Variants in SEPSECS observed in about 807,000 individuals in gnomAD.
SEPSECS encodes O-phosphoseryl-tRNA(Sec) selenium transferase.
A neutral mutation model predicts 52.1 loss-of-function variants in SEPSECS; 42 were observed. The ratio of observed to expected loss-of-function variants is 0.81; its 90% CI spans 0.63 to 1.04. The LOEUF is 1.04. Among genes scored for constraint, SEPSECS ranks in the 50% least tolerant of loss-of-function variants. The pLI is 0.00. For synonymous variants in SEPSECS, 216 were observed against 211.4 expected (o/e 1.02, Z -0.19); for missense variants, 590 against 610.6 (o/e 0.97, Z 0.36).
intron 8 of SEPSECS, among the ~76,000 whole-genome samples, chr4:25,133,892 T>C (rs192497882): frequency 4.0e-5 from 6 of 151,602 alleles, no homozygotes; most frequent in Admixed American, 3.3e-4. Context: ...GGCAAGAGGA[T>C]TGCTTGAGCT....
intron 8 of SEPSECS, among the ~76,000 whole-genome samples, chr4:25,141,226 G>A (rs1020320818): frequency 9.2e-5 from 14 of 152,062 alleles, no homozygotes; most frequent in African/African-American, 3.4e-4. Flanking sequence ...TCCTTTGCTT[G>A]TTGCTTTTCT....
intron 3 of SEPSECS, 121 bp downstream of exon 3, chr4:25,156,735 A>T: frequency 3.7e-6 from 2 of 539,578 alleles, no homozygotes; most frequent in East Asian, 3.6e-5. Context: ...AAAAAAAAAA[A>T]GAAGTCTTTT....
At chr4:25,134,077 A>T (rs146137832) in intron 8 of SEPSECS, among the ~76,000 whole-genome samples, 2,410 of 143,696 alleles carry the variant, frequency 0.017, 62 homozygotes, top group African/African-American at 0.059. Flanking sequence ...GTGAGCCATG[A>T]TCATGACACT....
intron 8 of SEPSECS, among the ~76,000 whole-genome samples, 158 bp downstream of exon 8, chr4:25,144,616 A>C (rs777289888): frequency 6.6e-6 from 1 of 150,706 alleles, no homozygotes; most frequent in Non-Finnish European, 1.5e-5. Context: ...AAAAAGTAAT[A>C]GGAAACCACC....
At chr4:25,136,703 G>A (rs1560326111) in intron 8 of SEPSECS, among the ~76,000 whole-genome samples, 1 of 151,914 alleles carries the variant, frequency 6.6e-6, no homozygotes, top group East Asian at 1.9e-4. Context: ...CATAGAATTA[G>A]AAAAAAACTA....
In SEPSECS at chr4:25,122,248, T is replaced by C. The variant is rs571230740; in HGVS notation, c.*1683A>G. Reference sequence around the variant, plus strand: ...TAAATACTTCATCTCAAAATAGTCATTGACTTCCAAGGTGGTCAAGCCAGT... The same window carrying C: ...TAAATACTTCATCTCAAAATAGTCACTGACTTCCAAGGTGGTCAAGCCAGT... On this transcript the variant is annotated 3_prime_UTR_variant, in exon 11 of 11. Transcript: ENST00000382103. 22 of 152,310 alleles carry C rather than the reference T, an allele frequency of 1.4e-4. No individual in the cohort carries two copies. Among genetic ancestry groups the C allele is most frequent in the Admixed American group, 3.9e-4 (6 of 15,278 alleles). The allele number at this position is 152,310 out of a possible 1,614,324, so 9.4% of individuals were successfully genotyped here.
At chr4:25,154,212 G>A (rs1184523321) in intron 5 of SEPSECS, among the ~76,000 whole-genome samples, 1 of 152,132 alleles carries the variant, frequency 6.6e-6, no homozygotes, top group African/African-American at 2.4e-5. Flanking sequence ...CAATCTGCCT[G>A]TAAGATAACA....
At chr4:25,155,799 G>A (rs865939000) in intron 4 of SEPSECS, among the ~76,000 whole-genome samples, 2 of 151,978 alleles carry the variant, frequency 1.3e-5, no homozygotes, top group Admixed American at 6.6e-5. Context: ...TAGTATATAC[G>A]CAAAGGTCCC....
intron 6 of SEPSECS, among the ~76,000 whole-genome samples, chr4:25,148,647 T>C (rs1465681439): frequency 2.0e-5 from 3 of 152,186 alleles, no homozygotes; most frequent in Admixed American, 6.5e-5. Context: ...TAACGTTCAA[T>C]AGCACAGTAC....
intron 8 of SEPSECS, among the ~76,000 whole-genome samples, chr4:25,137,918 A>T (rs1728907301): frequency 6.6e-6 from 1 of 152,208 alleles, no homozygotes; most frequent in Non-Finnish European, 1.5e-5. Flanking sequence ...CTTTGCACGG[A>T]CATGGATGGA....
intron 1 of SEPSECS, 41 bp downstream of exon 1, chr4:25,160,215 C>T (rs1348732833): frequency 3.9e-6 from 6 of 1,547,506 alleles, no homozygotes; most frequent in African/African-American, 2.7e-5. Context: ...GCCAGAGCCC[C>T]GGGGTCGCGG....
intron 1 of SEPSECS, chr4:25,159,807 T>C (rs1712945583): frequency 9.2e-7 from 1 of 1,092,622 alleles, no homozygotes; most frequent in Middle Eastern, 3.7e-4. Flanking sequence ...TTAATGAAAT[T>C]AAAATACATG....
At chr4:25,150,000 C>G (rs1006266332) in intron 6 of SEPSECS, among the ~76,000 whole-genome samples, 2 of 152,184 alleles carry the variant, frequency 1.3e-5, no homozygotes, top group African/African-American at 4.8e-5. Context: ...TTGGTTTAAG[C>G]CAACTTGAGT....
Position 25,160,244 on chromosome 4 carries a change from A to T in SEPSECS, c.114+12T>A, listed in dbSNP as rs1712987141. On this transcript the variant is annotated intron_variant, in intron 1 of 10. Coordinates refer to ENST00000382103, the MANE Select transcript of SEPSECS (RefSeq NM_016955.4). ...GTCGCGGCGGCTGGGGAGGGGACCG[A>T]CAGCTCGGTACCTTCTCCAGAAGCA... 1.3e-6 allele frequency: 2 copies of T among 1,551,258 alleles called. No individual in the cohort carries two copies. The highest frequency in any genetic ancestry group is 1.4e-5 in the African/African-American group (1 of 73,198).
At chr4:25,158,108 T>C (rs1020080805) in intron 2 of SEPSECS, among the ~76,000 whole-genome samples, 1 of 152,234 alleles carries the variant, frequency 6.6e-6, no homozygotes, top group Non-Finnish European at 1.5e-5. Flanking sequence ...TATCGAAGAA[T>C]ACTAGTGCTG....
intron 2 of SEPSECS, among the ~76,000 whole-genome samples, chr4:25,157,324 G>A (rs1712729176): frequency 6.6e-6 from 1 of 152,136 alleles, no homozygotes; most frequent in African/African-American, 2.4e-5. Context: ...AAGTAACTGT[G>A]TGAAATTTTC....
At chr4:25,130,205 G>A (rs1728557231) in intron 8 of SEPSECS, among the ~76,000 whole-genome samples, 2 of 152,160 alleles carry the variant, frequency 1.3e-5, no homozygotes, top group African/African-American at 4.8e-5. Context: ...TATCTACTTT[G>A]GCAGCCACAT....
chr4:25,124,195 C>T lies in SEPSECS; in HGVS notation c.1242G>A (p.Val414=), dbSNP rs1311177655. ...RVVPLGSMQT[V]SGYTFRGFMS... ...TAAAGCCTCTGAAAGTATAGCCACT[C>T]ACAGTTTGCATGGACCCAAGAGGCA... Residue 414 remains valine (V), a synonymous_variant, in exon 11 of 11, where the codon GTG becomes GTA. Coordinates refer to ENST00000382103, the MANE Select transcript of SEPSECS (RefSeq NM_016955.4). 8 of 1,613,428 alleles carry T rather than the reference C, an allele frequency of 5.0e-6. 1 individual carries two copies. The highest frequency in any genetic ancestry group is 1.7e-5 in the Admixed American group (1 of 59,918).
chr4:25,134,210 G>C (rs1728734115), intron 8 of SEPSECS, among the ~76,000 whole-genome samples: 1 of 150,104 alleles, frequency 6.7e-6, no homozygotes. Flanking sequence ...TGGACACAGA[G>C]GTACATGCCT....
Sources: allele counts gnomAD v4.1 joint callset (sites outside exome capture counted in the v4.1 genomes callset), GRCh38; gene constraint gnomAD v4.1.1; transcripts MANE v1.5; gene names NCBI Gene and HGNC (gene_info 2026-07-23, HGNC 2026-07-21).